CSRNP3: variants seen among roughly 807,000 people sequenced by gnomAD.
CSRNP3 encodes the protein cysteine/serine-rich nuclear protein 3.
A neutral mutation model predicts 48.0 loss-of-function variants in CSRNP3; 12 were observed. That is an observed-to-expected ratio of 0.25 (90% CI 0.16 to 0.41). The LOEUF is 0.41. Among genes scored for constraint, CSRNP3 ranks in the 10% least tolerant of loss-of-function variants. The pLI, the probability that CSRNP3 is intolerant of heterozygous loss-of-function variation, is 1.00. For missense variants in CSRNP3, 580 were observed against 724.4 expected, an observed-to-expected ratio of 0.80 and a Z score of 2.29; for synonymous variants, 263 against 269.7, an observed-to-expected ratio of 0.98 and a Z score of 0.24.
chr2:165,515,801 CTTTTTTTTT>C (rs532831528), intron 2 of CSRNP3, among the ~76,000 whole-genome samples: 1 of 106,094 alleles, frequency 9.4e-6, no homozygotes, highest in African/African-American at 3.8e-5. Context: ...CTTTTCCTTT[CTTTTTTTTT>C]TTTTTTTTTT....
At chr2:165,500,426 C>T (rs1229202128) in intron 2 of CSRNP3, among the ~76,000 whole-genome samples, 2 of 138,014 alleles carry the variant, frequency 1.4e-5, no homozygotes, top group South Asian at 2.2e-4. Flanking sequence ...TATATACACA[C>T]ACACACACAC....
intron 3 of CSRNP3, among the ~76,000 whole-genome samples, chr2:165,546,133 A>G (rs912010225): frequency 1.3e-5 from 2 of 152,110 alleles, no homozygotes; most frequent in African/African-American, 4.8e-5. Context: ...GTCTAACTCC[A>G]TGCTCAATAC....
In CSRNP3 at chr2:165,537,261, A is replaced by G. The variant is rs576751896; in HGVS notation, c.-24+19300A>G. On this transcript the variant is annotated intron_variant, in intron 3 of 6. Transcript: ENST00000651982. ...CACAGGGACAAAGGAAGGGTGAAAG[A>G]AGCTACTCACTGAATGCCAGTGGGT... Among the ~76,000 whole-genome samples, 56 of 151,354 alleles carry G rather than the reference A, an allele frequency of 3.7e-4. No homozygotes were observed. In the Middle Eastern group the frequency reaches 0.014, roughly 37 times the overall value.
At chr2:165,674,717 T>TC (rs1687393784) in intron 5 of CSRNP3, among the ~76,000 whole-genome samples, 1 of 137,914 alleles carries the variant, frequency 7.3e-6, no homozygotes, top group Non-Finnish European at 1.6e-5. Flanking sequence ...TATATATAAT[T>TC]TGTTTATTTA....
intron 2 of CSRNP3, among the ~76,000 whole-genome samples, chr2:165,517,503 T>G (rs954774998): frequency 6.6e-6 from 1 of 151,944 alleles, no homozygotes; most frequent in Non-Finnish European, 1.5e-5. Flanking sequence ...CCCTGGATTT[T>G]TATGTGTTTT....
Position 165,658,015 on chromosome 2 carries a change from C to G in CSRNP3, c.403C>G (p.Leu135Val). The change falls in exon 5 of 7, where the codon CTA (leucine) becomes GTA (valine). Residue 135 changes from leucine to valine, a missense_variant. This residue lies in a region of CSRNP3 where 62 missense variants were observed against 66.4 expected (regional missense o/e 0.93). Coordinates refer to ENST00000651982, the MANE Select transcript of CSRNP3 (RefSeq NM_001172173.2). ...GGAGGAAAAGCTGAACTCCTTAAAA[C>G]TAAAGGTAAAAAACAAACTCATTTT... ...LREEKLNSLKLKMTKNGTVES... is the reference protein window; with the variant it reads ...LREEKLNSLKVKMTKNGTVES... 3 of 1,608,740 alleles carry G rather than the reference C, an allele frequency of 1.9e-6. No individual in the cohort carries two copies. Among genetic ancestry groups the G allele is most frequent in the Non-Finnish European group, 1.7e-6 (2 of 1,176,644 alleles).
At chr2:165,626,892 A>G (rs141826157) in intron 4 of CSRNP3, among the ~76,000 whole-genome samples, 6 of 152,312 alleles carry the variant, frequency 3.9e-5, no homozygotes, top group African/African-American at 1.4e-4. Context: ...TCAAGAACAC[A>G]ATGAACAGAT....
chr2:165,509,117 C>A (rs532948114), intron 2 of CSRNP3, among the ~76,000 whole-genome samples: 1 of 152,068 alleles, frequency 6.6e-6, no homozygotes, highest in Non-Finnish European at 1.5e-5. Flanking sequence ...CAAGAGAAAG[C>A]CCCTCCCCTC....
rs1171564540 is a variant in CSRNP3, at chr2:165,652,627, C to CT, written c.149-5133dup. 2.0e-5 allele frequency among the ~76,000 whole-genome samples: 3 copies of CT among 152,294 alleles called. No individual in the cohort carries two copies. In the East Asian group the frequency reaches 5.8e-4, roughly 29 times the overall value. On this transcript the variant is annotated intron_variant, in intron 4 of 6. Coordinates refer to ENST00000651982, the MANE Select transcript of CSRNP3 (RefSeq NM_001172173.2). Reference sequence around the variant, plus strand: ...GTGTAATCTCAGCTCCCCACAACCTCTGCCTCCTGGGCTCAAGTGATGATT... The same window carrying CT: ...GTGTAATCTCAGCTCCCCACAACCTCTTGCCTCCTGGGCTCAAGTGATGATT...
At chr2:165,507,729 TC>T (rs1684447809) in intron 2 of CSRNP3, among the ~76,000 whole-genome samples, 1 of 152,168 alleles carries the variant, frequency 6.6e-6, no homozygotes, top group Non-Finnish European at 1.5e-5. Flanking sequence ...ATGCAATGCT[TC>T]TGGGGCGTAA....
chr2:165,474,760 G>A (rs1683939079), intron 1 of CSRNP3, among the ~76,000 whole-genome samples: 1 of 152,178 alleles, frequency 6.6e-6, no homozygotes, highest in Non-Finnish European at 1.5e-5. Flanking sequence ...GAAAAAGCAT[G>A]GTGTGGCCAG....
intron 4 of CSRNP3, among the ~76,000 whole-genome samples, chr2:165,653,143 A>G (rs1447259449): frequency 2.6e-5 from 4 of 152,184 alleles, no homozygotes; most frequent in African/African-American, 9.7e-5. Context: ...GTCAGGAGAT[A>G]GCCCATAAAG....
intron 2 of CSRNP3, among the ~76,000 whole-genome samples, chr2:165,497,451 A>G (rs1228756497): frequency 6.6e-6 from 1 of 151,914 alleles, no homozygotes; most frequent in Non-Finnish European, 1.5e-5. Flanking sequence ...ATAAATGGCA[A>G]TATGACCTAC....
intron 4 of CSRNP3, among the ~76,000 whole-genome samples, chr2:165,617,701 CA>C (rs2105315692): frequency 6.6e-6 from 1 of 152,276 alleles, no homozygotes; most frequent in East Asian, 1.9e-4. Context: ...GTGGTGGTCC[CA>C]CAACTGGAGG....
chr2:165,519,096 T>C (rs1375776301), intron 3 of CSRNP3, among the ~76,000 whole-genome samples: 4 of 152,088 alleles, frequency 2.6e-5, no homozygotes, highest in Admixed American at 2.6e-4. Flanking sequence ...GTGAATGTCG[T>C]TCCATTACAA....
chr2:165,638,264 C>A (rs1325104106), intron 4 of CSRNP3, among the ~76,000 whole-genome samples: 2 of 152,140 alleles, frequency 1.3e-5, no homozygotes, highest in African/African-American at 4.8e-5. Context: ...GATTTCAAGA[C>A]CAGCCTGACC....
chr2:165,617,145 G>A (rs1413519444), intron 4 of CSRNP3, among the ~76,000 whole-genome samples: 1 of 152,020 alleles, frequency 6.6e-6, no homozygotes, highest in Non-Finnish European at 1.5e-5. Context: ...TACTTATCAG[G>A]CATTTCATGG....
intron 2 of CSRNP3, among the ~76,000 whole-genome samples, chr2:165,511,796 T>C (rs1197626076): frequency 6.6e-6 from 1 of 152,176 alleles, no homozygotes; most frequent in Non-Finnish European, 1.5e-5. Context: ...CCACTTATGT[T>C]TGTGGTCATA....
intron 3 of CSRNP3, among the ~76,000 whole-genome samples, chr2:165,535,144 G>A (rs900277312): frequency 6.6e-6 from 1 of 151,630 alleles, no homozygotes; most frequent in Non-Finnish European, 1.5e-5. Context: ...TAAATAAAAT[G>A]CATTTTTAGA....
Sources: allele counts gnomAD v4.1 joint callset (sites outside exome capture counted in the v4.1 genomes callset), GRCh38; gene constraint gnomAD v4.1.1; regional missense constraint gnomAD v4.1.1; transcripts MANE v1.5; gene names NCBI Gene and HGNC (gene_info 2026-07-23, HGNC 2026-07-21).